Variants in SHISA9 observed in about 807,000 individuals in gnomAD.
SHISA9 encodes protein shisa-9.
In SHISA9, 13 loss-of-function variants were observed where a neutral mutation model predicts 38.0. The ratio of observed to expected loss-of-function variants is 0.34; its 90% CI spans 0.22 to 0.54. The LOEUF (loss-of-function observed/expected upper bound fraction) is 0.54, where lower values mean the gene tolerates loss of function less well. SHISA9 is among the 20% of genes least tolerant of loss of function. The pLI, the probability that SHISA9 is intolerant of heterozygous loss-of-function variation, is 0.91. For synonymous variants in SHISA9, 275 were observed against 242.0 expected (o/e 1.14, Z -1.27); for missense variants, 538 against 575.8 (o/e 0.93, Z 0.67).
At chr16:13,006,559 T>C (rs2072600428) in intron 2 of SHISA9, among the ~76,000 whole-genome samples, 1 of 152,242 alleles carries the variant, frequency 6.6e-6, no homozygotes, top group African/African-American at 2.4e-5. Flanking sequence ...TTTTCTATCT[T>C]GTTCATTATT....
intron 2 of SHISA9, among the ~76,000 whole-genome samples, chr16:12,980,365 TA>T (rs2072224620): frequency 6.6e-6 from 1 of 152,224 alleles, no homozygotes; most frequent in South Asian, 2.1e-4. Context: ...TAATTGGATA[TA>T]ATATGTTAAG....
the SHISA9 span, among the ~76,000 whole-genome samples, chr16:13,340,613 G>C: frequency 6.6e-6 from 1 of 152,164 alleles, no homozygotes; most frequent in South Asian, 2.1e-4. Flanking sequence ...TCCGGACAGG[G>C]GGACCCTTTT....
chr16:12,914,205 C>T (rs1263968816), intron 1 of SHISA9, among the ~76,000 whole-genome samples: 3 of 151,828 alleles, frequency 2.0e-5, no homozygotes, highest in African/African-American at 4.8e-5. Flanking sequence ...TCCACCACGC[C>T]CGGCTAATTT....
At chr16:13,305,306 G>C in the SHISA9 span, among the ~76,000 whole-genome samples, 1 of 152,146 alleles carries the variant, frequency 6.6e-6, no homozygotes, top group Admixed American at 6.5e-5. Flanking sequence ...TTAAATTTCG[G>C]AGCATTTCAA....
chr16:12,952,164 T>G (rs1596546500), intron 2 of SHISA9, among the ~76,000 whole-genome samples: 2 of 152,374 alleles, frequency 1.3e-5, no homozygotes, highest in East Asian at 3.9e-4. Flanking sequence ...AGGAGCTAAT[T>G]AATACAAAAT....
chr16:13,372,795 A>G, the SHISA9 span, among the ~76,000 whole-genome samples: 1 of 152,272 alleles, frequency 6.6e-6, no homozygotes, highest in Admixed American at 6.5e-5. Flanking sequence ...AGATTGACCG[A>G]CCTACAGTCT....
At chr16:13,210,992 T>G (rs2051113667) in intron 3 of SHISA9, among the ~76,000 whole-genome samples, 1 of 152,194 alleles carries the variant, frequency 6.6e-6, no homozygotes, top group East Asian at 1.9e-4. Flanking sequence ...TCATCATTTT[T>G]CTTTGTTTGA....
At chr16:13,339,796 G>C in the SHISA9 span, among the ~76,000 whole-genome samples, 1 of 152,176 alleles carries the variant, frequency 6.6e-6, no homozygotes, top group East Asian at 1.9e-4. Context: ...GAGTGCCTCA[G>C]TTAGTTTTCC....
intron 2 of SHISA9, among the ~76,000 whole-genome samples, chr16:13,019,961 C>T (rs867259215): frequency 0.13 from 4,099 of 32,412 alleles, 594 homozygotes; most frequent in Non-Finnish European, 0.19. Context: ...CTTTCTTTCC[C>T]TCCTTCTTTC....
intron 4 of SHISA9, among the ~76,000 whole-genome samples, chr16:13,232,345 TAAG>T (rs1260347424): frequency 6.6e-6 from 1 of 151,834 alleles, no homozygotes; most frequent in African/African-American, 2.4e-5. Flanking sequence ...GAAAAACAAA[TAAG>T]AAAAGAAAGT....
the SHISA9 span, among the ~76,000 whole-genome samples, chr16:13,342,277 T>C: frequency 6.6e-6 from 1 of 152,160 alleles, no homozygotes; most frequent in Admixed American, 6.6e-5. Context: ...CACTGTCCTA[T>C]GTACAAACAT....
At chr16:13,358,726 C>G in the SHISA9 span, among the ~76,000 whole-genome samples, 1 of 152,196 alleles carries the variant, frequency 6.6e-6, no homozygotes, top group South Asian at 2.1e-4. Context: ...TGCCTTATAC[C>G]TGACCAACAT....
rs1436592546 is a variant in SHISA9, at chr16:12,910,383, T to A, written c.564-6305T>A. 2.9e-5 allele frequency: 21 copies of A among 732,616 alleles called. No homozygotes were observed. The East Asian group carries it at 2.5e-3, about 86-fold the overall frequency. 45.4% of individuals were successfully genotyped at this position (732,616 alleles called of 1,614,324 possible). On this transcript the variant is annotated intron_variant, in intron 1 of 4. Transcript: ENST00000558583. ...ATGCCCAACACTGTGCTGAGAGATATGAGATAACCATGAATAGTACAAAAG... is the reference window on the plus strand; with the variant it reads ...ATGCCCAACACTGTGCTGAGAGATAAGAGATAACCATGAATAGTACAAAAG...
intron 1 of SHISA9, chr16:12,911,278 A>G: frequency 1.0e-6 from 1 of 985,438 alleles, no homozygotes; most frequent in African/African-American, 1.7e-5. Flanking sequence ...GAAGCACTCA[A>G]ACTATGTGCC....
intron 2 of SHISA9, among the ~76,000 whole-genome samples, chr16:12,937,795 G>A (rs187561773): frequency 1.3e-5 from 2 of 152,206 alleles, no homozygotes; most frequent in Admixed American, 6.5e-5. Context: ...ACCATTGGGG[G>A]TTAGGGTTTC....
Position 12,916,676 on chromosome 16 carries a change from T to G in SHISA9, c.564-12T>G. On this transcript the variant is annotated splice_polypyrimidine_tract_variant and intron_variant, in intron 1 of 4. Coordinates refer to ENST00000558583, the MANE Select transcript of SHISA9 (RefSeq NM_001145204.3). ...TTTTGAATGAACAGATTTAAATTCT[T>G]TCTTCTTTCAGGGCCCTTGCGGATG... 1 of 1,547,304 alleles carries G rather than the reference T, an allele frequency of 6.5e-7. No homozygotes were observed. The highest frequency in any genetic ancestry group is 8.7e-7 in the Non-Finnish European group (1 of 1,145,526).
chr16:13,338,760 T>C, the SHISA9 span, among the ~76,000 whole-genome samples: 1 of 152,234 alleles, frequency 6.6e-6, no homozygotes, highest in South Asian at 2.1e-4. Flanking sequence ...AATCTCCAGG[T>C]GAATGTATAG....
the SHISA9 span, among the ~76,000 whole-genome samples, chr16:13,307,256 C>A: frequency 6.6e-6 from 1 of 152,208 alleles, no homozygotes; most frequent in Non-Finnish European, 1.5e-5. Flanking sequence ...CACTGCCTGG[C>A]ACATGGCAAT....
intron 2 of SHISA9, among the ~76,000 whole-genome samples, chr16:13,189,407 C>G (rs1429405661): frequency 6.6e-6 from 1 of 152,236 alleles, no homozygotes; most frequent in African/African-American, 2.4e-5. Flanking sequence ...TGCCATCACA[C>G]AAACCTGGCA....
Sources: gnomAD v4.1 joint callset for allele counts (sites outside exome capture counted in the v4.1 genomes callset) on GRCh38, gnomAD v4.1.1 for gene constraint, MANE v1.5 for transcripts, NCBI Gene and HGNC (gene_info 2026-07-23, HGNC 2026-07-21) for gene names.